The following PIGQ variants were observed in gnomAD, a reference collection of about 807,000 sequenced individuals.
The protein encoded by PIGQ is phosphatidylinositol N-acetylglucosaminyltransferase subunit Q.
PIGQ carries 54 observed loss-of-function variants against 60.3 expected under a neutral mutation model. The ratio of observed to expected loss-of-function variants is 0.90; its 90% confidence interval spans 0.72 to 1.12. The LOEUF is 1.12. PIGQ is among the 50% of genes most tolerant of loss of function. The pLI is 0.00. For synonymous variants in PIGQ, 416 were observed against 363.7 expected (o/e 1.14, Z -1.64); for missense variants, 799 against 793.5 (o/e 1.01, Z -0.08).
intron 7 of PIGQ, chr16:579,782 C>T (rs1314476326): frequency 2.1e-5 from 2 of 94,564 alleles, no homozygotes; most frequent in Non-Finnish European, 4.3e-5. Flanking sequence ...GCCCCGGGCC[C>T]GGAGACTAGA....
At chr16:582,402 C>A in intron 10 of PIGQ, 93 bp downstream of exon 10, 3 of 925,358 alleles carry the variant, frequency 3.2e-6, no homozygotes, top group African/African-American at 1.6e-5. Flanking sequence ...TGGCACCACG[C>A]CAGCCTGCGA....
Position 583,551 on chromosome 16 carries a change from C to T in PIGQ, c.*516C>T. On this transcript the variant is annotated 3_prime_UTR_variant, in exon 11 of 11. Transcript: ENST00000321878. The stretch of plus-strand genomic sequence containing the variant: ...TGGGGGATTGAAGCAGTCGCTGACC[C>T]CCGTCCCCAGCGGGCCCGGGCCCTC... The T allele has an allele frequency of 1.2e-6, 2 of 1,612,502 alleles. No homozygotes were observed. The highest frequency in any genetic ancestry group is 1.7e-6 in the Non-Finnish European group (2 of 1,179,702).
rs545951116 is a variant in PIGQ, at chr16:579,059, C to T, written c.1224-10C>T. ...GGCGGGGCCGGGCCCGACAGCACTGCGTCCTGTAGGCTGTACTGCCTGAAG... is the reference window on the plus strand; with the variant it reads ...GGCGGGGCCGGGCCCGACAGCACTGTGTCCTGTAGGCTGTACTGCCTGAAG... On this transcript the variant is annotated splice_polypyrimidine_tract_variant and intron_variant, in intron 6 of 10. Transcript: ENST00000321878. 1.4e-5 allele frequency: 22 copies of T among 1,605,118 alleles called. No homozygotes were observed. The highest frequency in any genetic ancestry group is 3.3e-5 in the Admixed American group (2 of 59,988).
rs115668587 is a variant in PIGQ, at chr16:578,266, C to G, written c.943-113C>G. 4 of 1,116,736 alleles carry G rather than the reference C, an allele frequency of 3.6e-6. No individual in the cohort carries two copies. In the South Asian group the frequency reaches 4.5e-5, roughly 13 times the overall value. 69.2% of individuals were successfully genotyped at this position (1,116,736 alleles called of 1,614,324 possible). A position where few individuals can be genotyped will look rare whatever the true frequency, so the allele number is the denominator to read the frequency against. The stretch of plus-strand genomic sequence containing the variant: ...GCTGTCCACGCTAGGACGCGGTAGA[C>G]CCTGGAGGAGGGAAGGCTGGCCAAG... On this transcript the variant is annotated intron_variant, in intron 4 of 10. Transcript: ENST00000321878.
Position 583,084 on chromosome 16 carries a change from C to T in PIGQ, c.*49C>T, listed in dbSNP as rs2035839019. The T allele has an allele frequency of 1.2e-6, 2 of 1,612,774 alleles. No homozygotes were observed. The highest frequency in any genetic ancestry group is 2.7e-5 in the African/African-American group (2 of 74,818). On this transcript the variant is annotated 3_prime_UTR_variant, in exon 11 of 11. Coordinates refer to ENST00000321878, the MANE Select transcript of PIGQ (RefSeq NM_004204.5). ...CCACCACACGGCCACAGCCAGCCAT[C>T]TGCTCTGCCAGGGTGGCACCAGCTC...
Position 576,801 on chromosome 16 carries a change from C to G in PIGQ, c.942+547C>G, listed in dbSNP as rs1008311796. Reference sequence around the variant, plus strand: ...GGGTGCAGCCCCCTCCTCTGCAGATCTAGTGCATTTCCATGCTGCCTCTGG... The same window carrying G: ...GGGTGCAGCCCCCTCCTCTGCAGATGTAGTGCATTTCCATGCTGCCTCTGG... On this transcript the variant is annotated intron_variant, in intron 4 of 10. Transcript: ENST00000321878. 3 of 351,198 alleles carry G rather than the reference C, an allele frequency of 8.5e-6. No individual in the cohort carries two copies. In the East Asian group the frequency reaches 1.3e-4, roughly 15 times the overall value. The allele number at this position is 351,198 out of a possible 1,614,324, so 21.8% of individuals were successfully genotyped here.
At chr16:579,392 A>G in intron 7 of PIGQ, 1 of 588,008 alleles carries the variant, frequency 1.7e-6, no homozygotes, top group Non-Finnish European at 3.0e-6. Context: ...GAGAAGAGAC[A>G]GACACACAGC....
chr16:571,454 T>TG (rs2035624466), intron 1 of PIGQ, among the ~76,000 whole-genome samples: 45 of 44,014 alleles, frequency 1.0e-3, no homozygotes, highest in East Asian at 2.6e-3. Context: ...GTGTGTGTGT[T>TG]TGTGTCTGGC....
chr16:570,461 G>C (rs2035601612), intron 1 of PIGQ: 1 of 152,136 alleles, frequency 6.6e-6, no homozygotes, highest in Non-Finnish European at 1.5e-5. Flanking sequence ...ACTCGTGTTT[G>C]TTTTTCATTA....
chr16:583,473 C>G lies in PIGQ; in HGVS notation c.*438C>G. The G allele has an allele frequency of 6.2e-7, 1 of 1,612,452 alleles. No homozygotes were observed. Among genetic ancestry groups the G allele is most frequent in the Non-Finnish European group, 8.5e-7 (1 of 1,179,778 alleles). On this transcript the variant is annotated 3_prime_UTR_variant, in exon 11 of 11. Coordinates refer to ENST00000321878, the MANE Select transcript of PIGQ (RefSeq NM_004204.5). ...GGTGGAGGGACCTTGCCAGGATGAA[C>G]CCCCCAGTCCCAGGCACCCTCTAGC...
chr16:578,945 G>T lies in PIGQ; in HGVS notation c.1223+7G>T, dbSNP rs202222590. 1 of 1,608,630 alleles carries T rather than the reference G, an allele frequency of 6.2e-7. No homozygotes were observed. On this transcript the variant is annotated splice_region_variant and intron_variant, in intron 6 of 10. Coordinates refer to ENST00000321878, the MANE Select transcript of PIGQ (RefSeq NM_004204.5). ...TTTACGTCTATGGAGCCAGGTGGGC[G>T]TGGGCTTCCCCCTCCCCACCGCCCC...
In PIGQ at chr16:580,207, A is replaced by C. The variant is rs769646610; in HGVS notation, c.1360A>C (p.Thr454Pro). 3 of 1,612,540 alleles carry C rather than the reference A, an allele frequency of 1.9e-6. No homozygotes were observed. In the South Asian group the frequency reaches 3.3e-5, roughly 18 times the overall value. Residue 454 changes from threonine to proline, a missense_variant, in exon 8 of 11, where the codon ACC becomes CCC. Thr to Pro is a conservative substitution (Grantham distance 38). Transcript: ENST00000321878. ...DQLFIGTLLF[T>P]ILLFLLPTTA... ...GCTGTTCATCGGGACTCTGCTCTTC[A>C]CCATCCTGCTCTTCCTCCTGCCTAC...
At chr16:579,491 GC>G (rs2035779040) in intron 7 of PIGQ, 1 of 106,260 alleles carries the variant, frequency 9.4e-6, no homozygotes, top group South Asian at 1.9e-4. Flanking sequence ...GGTGCCCCGG[GC>G]CCGGAGACTA....
intron 4 of PIGQ, chr16:577,349 G>T (rs368730033): frequency 6.6e-6 from 1 of 152,116 alleles, no homozygotes; most frequent in Non-Finnish European, 1.5e-5. Context: ...AGGCCAAGGC[G>T]GGCGGATCAT....
rs148430693 is a variant in PIGQ at position 578,831 on chromosome 16, C to T, written c.1116C>T (p.His372=). 4.8e-4 allele frequency: 777 copies of T among 1,613,812 alleles called. 1 individual carries two copies. The highest frequency in any genetic ancestry group is 8.2e-4 in the Admixed American group (49 of 60,030). Residue 372 remains histidine (H), a synonymous_variant, in exon 6 of 11, where the codon CAC becomes CAT. Transcript: ENST00000321878. ...MSPFVEHILW[H]VGLSACLGLT... ...CCTTCGTGGAGCACATCCTTTGGCACGTGGGCCTCTCGGCCTGCCTGGGCC... is the reference window on the plus strand; with the variant it reads ...CCTTCGTGGAGCACATCCTTTGGCATGTGGGCCTCTCGGCCTGCCTGGGCC...
chr16:580,140 G>A (rs370801371), intron 7 of PIGQ, 43 bp from the exon 8 acceptor site: 14 of 1,519,208 alleles, frequency 9.2e-6, no homozygotes, highest in African/African-American at 2.7e-5. Flanking sequence ...GTCCCTGGGC[G>A]CGGGGTCCTG....
chr16:582,015 C>CAAAA, intron 9 of PIGQ: 1 of 602,136 alleles, frequency 1.7e-6, no homozygotes. Flanking sequence ...GCCCACCTCC[C>CAAAA]AAAATGCTGG....
intron 9 of PIGQ, 85 bp from the exon 10 acceptor site, chr16:582,163 C>CA (rs2035822115): frequency 1.0e-6 from 1 of 1,004,170 alleles, no homozygotes; most frequent in Non-Finnish European, 1.5e-6. Flanking sequence ...GGGTGCCCCT[C>CA]AGAGAGGAAG....
intron 1 of PIGQ, among the ~76,000 whole-genome samples, chr16:571,071 G>GGCTAGCC (rs1475655007): frequency 5.9e-4 from 10 of 16,924 alleles, no homozygotes; most frequent in African/African-American, 2.6e-3. Context: ...GTGTGTGTGT[G>GGCTAGCC]TGTGTGTGTG....
Sources: gnomAD v4.1 joint callset for allele counts (sites outside exome capture counted in the v4.1 genomes callset) on GRCh38, gnomAD v4.1.1 for gene constraint, MANE v1.5 for transcripts, NCBI Gene and HGNC (gene_info 2026-07-23, HGNC 2026-07-21) for gene names.